MAST4: variants seen among roughly 807,000 people sequenced by gnomAD.
MAST4 encodes the protein microtubule-associated serine/threonine-protein kinase 4.
MAST4 carries 89 observed loss-of-function variants against 162.7 expected under a neutral mutation model. That is an observed-to-expected ratio of 0.55 (90% CI 0.46 to 0.65). The LOEUF (loss-of-function observed/expected upper bound fraction) is 0.65. Among genes scored for constraint, MAST4 ranks in the 30% least tolerant of loss-of-function variants. The pLI, the probability that MAST4 is intolerant of heterozygous loss-of-function variation, is 0.00. For missense variants in MAST4, 3,153 were observed against 3,374.0 expected (o/e 0.93, Z 1.62); for synonymous variants, 1,479 against 1,361.1 (o/e 1.09, Z -1.91).
chr5:66,617,508 A>T (rs1350077292), intron 1 of MAST4, among the ~76,000 whole-genome samples: 1 of 152,082 alleles, frequency 6.6e-6, no homozygotes, highest in African/African-American at 2.4e-5. Flanking sequence ...TTTCTCATGA[A>T]TGGACGTATC....
At chr5:67,111,301 G>A (rs750717637) in intron 11 of MAST4, among the ~76,000 whole-genome samples, 10 of 152,140 alleles carry the variant, frequency 6.6e-5, no homozygotes, top group Admixed American at 2.0e-4. Context: ...ATACATGGTT[G>A]CAGTGCTTTG....
intron 4 of MAST4, among the ~76,000 whole-genome samples, chr5:66,917,871 A>G (rs1176410031): frequency 6.6e-6 from 1 of 151,916 alleles, no homozygotes. Flanking sequence ...TTAGCCAGTT[A>G]TTTTTCCACA....
At chr5:66,730,820 G>A (rs1489587664) in intron 1 of MAST4, among the ~76,000 whole-genome samples, 3 of 151,604 alleles carry the variant, frequency 2.0e-5, no homozygotes, top group Non-Finnish European at 4.4e-5. Context: ...TTGACAACAT[G>A]CCATTTTGCT....
chr5:66,993,924 C>CCT (rs1237990491), intron 4 of MAST4, among the ~76,000 whole-genome samples: 7 of 68,636 alleles, frequency 1.0e-4, no homozygotes, highest in Non-Finnish European at 2.0e-4. Flanking sequence ...CAGAAGACCC[C>CCT]CCCCCCCACC....
intron 3 of MAST4, among the ~76,000 whole-genome samples, chr5:66,804,748 C>T (rs897923558): frequency 3.3e-5 from 5 of 152,194 alleles, no homozygotes; most frequent in Admixed American, 2.6e-4. Flanking sequence ...ATAAAGGCAT[C>T]TGGACTTGAT....
intron 15 of MAST4, 68 bp from the exon 16 acceptor site, chr5:67,131,745 C>G (rs1768994399): frequency 1.3e-6 from 2 of 1,505,750 alleles, no homozygotes; most frequent in Non-Finnish European, 1.8e-6. Flanking sequence ...TGAAATTCTG[C>G]AGTCTAAACT....
chr5:67,130,713 A>AT (rs1452875472), intron 15 of MAST4, among the ~76,000 whole-genome samples: 1 of 152,088 alleles, frequency 6.6e-6, no homozygotes, highest in Non-Finnish European at 1.5e-5. Context: ...AGGTGATGGG[A>AT]TTTTTTTCTG....
chr5:66,963,301 A>G (rs1411815053), intron 4 of MAST4, among the ~76,000 whole-genome samples: 2 of 152,146 alleles, frequency 1.3e-5, no homozygotes, highest in Admixed American at 6.5e-5. Context: ...TCCTATGGGG[A>G]AATGTTAGTT....
At chr5:67,048,118 C>A (rs906673932) in intron 4 of MAST4, among the ~76,000 whole-genome samples, 4 of 152,090 alleles carry the variant, frequency 2.6e-5, no homozygotes, top group African/African-American at 9.7e-5. Flanking sequence ...TATAATTTTT[C>A]TTTCAAATAT....
At chr5:66,778,727 G>T (rs1201464488) in intron 2 of MAST4, among the ~76,000 whole-genome samples, 1 of 152,120 alleles carries the variant, frequency 6.6e-6, no homozygotes, top group African/African-American at 2.4e-5. Context: ...CTTTATCTTT[G>T]AATCACCTTG....
chr5:66,977,600 A>C (rs1561497357), intron 4 of MAST4, among the ~76,000 whole-genome samples: 1 of 152,162 alleles, frequency 6.6e-6, no homozygotes, highest in Non-Finnish European at 1.5e-5. Context: ...TTAGACCCAT[A>C]AATCCCTCAT....
chr5:67,012,663 A>G (rs778446), intron 4 of MAST4, among the ~76,000 whole-genome samples: 1 of 151,944 alleles, frequency 6.6e-6, no homozygotes, highest in East Asian at 1.9e-4. Context: ...AATGTGGTAC[A>G]TTTTGTAACT....
chr5:66,909,769 A>T (rs1452957545), intron 4 of MAST4, among the ~76,000 whole-genome samples: 4 of 151,670 alleles, frequency 2.6e-5, no homozygotes. Flanking sequence ...AAAAATCCCC[A>T]CGTCAAAGGT....
intron 1 of MAST4, among the ~76,000 whole-genome samples, chr5:66,701,230 C>T (rs62359996): frequency 0.29 from 44,379 of 151,936 alleles, 6,698 homozygotes; most frequent in South Asian, 0.35. Flanking sequence ...TGTATGGGCA[C>T]GCAGTGATTC....
chr5:66,742,527 C>T (rs1024350507), intron 1 of MAST4, among the ~76,000 whole-genome samples: 2 of 152,178 alleles, frequency 1.3e-5, no homozygotes, highest in African/African-American at 2.4e-5. Flanking sequence ...CAGCTGCTGC[C>T]TTGGCCTTAT....
chr5:66,662,452 T>G (rs1346283472), intron 1 of MAST4: 1 of 152,226 alleles, frequency 6.6e-6, no homozygotes, highest in Non-Finnish European at 1.5e-5. Flanking sequence ...TAAAGTACCT[T>G]AATTACAGAA....
chr5:67,109,155 A>C (rs899901862), intron 10 of MAST4, among the ~76,000 whole-genome samples: 1 of 152,194 alleles, frequency 6.6e-6, no homozygotes, highest in African/African-American at 2.4e-5. Flanking sequence ...AAATTTTAAA[A>C]GATTTTAAGT....
chr5:66,777,241 T>C (rs1187022775), intron 2 of MAST4, among the ~76,000 whole-genome samples: 2 of 152,204 alleles, frequency 1.3e-5, no homozygotes, highest in African/African-American at 4.8e-5. Context: ...TTCCCAGTGC[T>C]GGAAAGAATT....
intron 3 of MAST4, among the ~76,000 whole-genome samples, chr5:66,827,489 C>T (rs756430193): frequency 9.2e-5 from 14 of 152,070 alleles, no homozygotes; most frequent in Non-Finnish European, 1.5e-4. Context: ...TTCATAAATC[C>T]CTGAGCTATT....
Sources: gnomAD v4.1 joint callset for allele counts (sites outside exome capture counted in the v4.1 genomes callset) on GRCh38, gnomAD v4.1.1 for gene constraint, MANE v1.5 for transcripts, NCBI Gene and HGNC (gene_info 2026-07-23, HGNC 2026-07-21) for gene names.